Variants in SLC24A2 observed in about 807,000 individuals in gnomAD.
The protein encoded by SLC24A2 is solute carrier family 24 member 2.
Under a neutral mutation model 62.0 loss-of-function variants are expected in SLC24A2, and 36 were observed. The observed-to-expected ratio is 0.58, with a 90% CI of 0.44 to 0.77. SLC24A2 has a LOEUF of 0.77. Ranked by LOEUF, SLC24A2 falls within the 30% of genes least tolerant of loss-of-function variation. SLC24A2 has a pLI of 0.00. For synonymous variants in SLC24A2, 358 were observed against 294.0 expected (o/e 1.22, Z -2.23); for missense variants, 846 against 817.9 (o/e 1.03, Z -0.42).
At chr9:20,188,454 G>A in the SLC24A2 span, among the ~76,000 whole-genome samples, 60 of 152,358 alleles carry the variant, frequency 3.9e-4, no homozygotes, top group East Asian at 0.011. Flanking sequence ...AGCAAGAGTA[G>A]TGTGGTAAGC....
the SLC24A2 span, among the ~76,000 whole-genome samples, chr9:20,301,864 T>C: frequency 6.6e-6 from 1 of 152,164 alleles, no homozygotes. Flanking sequence ...TTCAGAGTAC[T>C]TTCACTGCCC....
chr9:20,248,957 G>T, the SLC24A2 span, among the ~76,000 whole-genome samples: 1 of 152,160 alleles, frequency 6.6e-6, no homozygotes, highest in African/African-American at 2.4e-5. Flanking sequence ...GGAAGTTGCT[G>T]AATGTAGACC....
chr9:19,583,234 A>G (rs899639737), intron 5 of SLC24A2, among the ~76,000 whole-genome samples: 1 of 151,526 alleles, frequency 6.6e-6, no homozygotes, highest in Non-Finnish European at 1.5e-5. Context: ...GCACAATCTC[A>G]CCTCTGTGCC....
At chr9:20,203,930 G>C in the SLC24A2 span, among the ~76,000 whole-genome samples, 1 of 151,072 alleles carries the variant, frequency 6.6e-6, no homozygotes, top group Non-Finnish European at 1.5e-5. Context: ...TAGTGTAGAT[G>C]GGTGAAACTC....
At chr9:19,575,148 C>T (rs777485607) in intron 6 of SLC24A2, among the ~76,000 whole-genome samples, 12 of 152,132 alleles carry the variant, frequency 7.9e-5, no homozygotes, top group African/African-American at 1.7e-4. Context: ...GATTTAAATA[C>T]GGAAAACCAT....
the SLC24A2 span, among the ~76,000 whole-genome samples, chr9:19,810,983 T>C: frequency 1.8e-5 from 1 of 56,056 alleles, no homozygotes; most frequent in African/African-American, 4.1e-5. Context: ...CTCCACAACC[T>C]CTTTCACTCC....
chr9:19,516,504 T>C, intron 10 of SLC24A2, 102 bp from the exon 11 acceptor site: 4 of 1,386,806 alleles, frequency 2.9e-6, no homozygotes, highest in East Asian at 2.5e-5. Flanking sequence ...TCTCAGGAAC[T>C]CTAAACTGAA....
chr9:19,693,997 T>C (rs1220647253), intron 2 of SLC24A2, among the ~76,000 whole-genome samples: 3 of 152,030 alleles, frequency 2.0e-5, no homozygotes, highest in East Asian at 3.9e-4. Flanking sequence ...TGTTAAATCC[T>C]CTTCAAATTA....
At chr9:20,185,450 G>A in the SLC24A2 span, among the ~76,000 whole-genome samples, 12 of 151,966 alleles carry the variant, frequency 7.9e-5, no homozygotes, top group African/African-American at 2.4e-4. Context: ...CGGATCAAGA[G>A]GTCAGGAGAT....
At chr9:20,180,438 CATTTA>C in the SLC24A2 span, among the ~76,000 whole-genome samples, 1 of 152,072 alleles carries the variant, frequency 6.6e-6, no homozygotes, top group Non-Finnish European at 1.5e-5. Context: ...CAGTGATCTC[CATTTA>C]ATTTTTCAAG....
At chr9:19,720,837 A>ATGTG (rs10692458) in intron 2 of SLC24A2, among the ~76,000 whole-genome samples, 8,636 of 140,336 alleles carry the variant, frequency 0.062, 296 homozygotes, top group South Asian at 0.12. Context: ...ATGTGGAATG[A>ATGTG]TGTGTGTGTG....
the SLC24A2 span, among the ~76,000 whole-genome samples, chr9:19,890,699 C>T: frequency 6.6e-6 from 1 of 152,188 alleles, no homozygotes; most frequent in East Asian, 1.9e-4. Flanking sequence ...TGTTTTGATA[C>T]AGGAGTCTCA....
chr9:19,521,297 G>C (rs1833187142), intron 9 of SLC24A2, among the ~76,000 whole-genome samples: 1 of 152,190 alleles, frequency 6.6e-6, no homozygotes, highest in Non-Finnish European at 1.5e-5. Context: ...TCTCAAAAAA[G>C]AGCTCTAGAG....
chr9:19,977,885 C>A, the SLC24A2 span, among the ~76,000 whole-genome samples: 2 of 152,156 alleles, frequency 1.3e-5, no homozygotes, highest in East Asian at 3.9e-4. Context: ...AGTCGTATGC[C>A]CTAATTGGAC....
At chr9:19,976,375 G>T in the SLC24A2 span, among the ~76,000 whole-genome samples, 1 of 152,198 alleles carries the variant, frequency 6.6e-6, no homozygotes, top group Non-Finnish European at 1.5e-5. Flanking sequence ...TCTTATGATA[G>T]TGAATGAGTT....
intron 7 of SLC24A2, among the ~76,000 whole-genome samples, chr9:19,561,277 C>A (rs959466999): frequency 6.6e-6 from 1 of 151,696 alleles, no homozygotes; most frequent in African/African-American, 2.4e-5. Flanking sequence ...CTGTTCTTAT[C>A]CTCTACTTTC....
chr9:19,996,435 T>C, the SLC24A2 span, among the ~76,000 whole-genome samples: 2 of 152,268 alleles, frequency 1.3e-5, no homozygotes, highest in East Asian at 3.9e-4. Context: ...TTCATCACTC[T>C]TGGCGTTAAA....
In SLC24A2 at chr9:19,597,224, C is replaced by G. The variant is rs376852042; in HGVS notation, c.1129+5G>C. The G allele has an allele frequency of 1.9e-6, 3 of 1,568,040 alleles. No individual in the cohort carries two copies. Among genetic ancestry groups the G allele is most frequent in the Non-Finnish European group, 2.6e-6 (3 of 1,138,312 alleles). On this transcript the variant is annotated splice_donor_5th_base_variant and intron_variant, in intron 5 of 10. Coordinates refer to ENST00000341998, the MANE Select transcript of SLC24A2 (RefSeq NM_020344.4). ...CAATGCATACAATTCTAAAATCATT[C>G]TTACCTTCTTCAGTCATTGTGTCAT...
chr9:19,892,599 T>G, the SLC24A2 span, among the ~76,000 whole-genome samples: 1 of 152,184 alleles, frequency 6.6e-6, no homozygotes, highest in East Asian at 1.9e-4. Flanking sequence ...AAGAGTGACC[T>G]AAGGACTAGA....
Sources: allele counts gnomAD v4.1 joint callset (sites outside exome capture counted in the v4.1 genomes callset), GRCh38; gene constraint gnomAD v4.1.1; transcripts MANE v1.5; gene names NCBI Gene and HGNC (gene_info 2026-07-23, HGNC 2026-07-21).